The following UBE2E3 variants were observed in gnomAD, a reference collection of about 807,000 sequenced individuals.
UBE2E3 encodes ubiquitin-conjugating enzyme E2 E3.
UBE2E3 carries 5 observed loss-of-function variants against 23.6 expected under a neutral mutation model. That is an observed-to-expected ratio of 0.21 (90% CI 0.11 to 0.44). The LOEUF (loss-of-function observed/expected upper bound fraction) is 0.44. Among genes scored for constraint, UBE2E3 ranks in the 20% least tolerant of loss-of-function variants. The pLI is 0.99. For missense variants in UBE2E3, 81 were observed against 249.8 expected (o/e 0.32, Z 4.55); for synonymous variants, 78 against 87.5 (o/e 0.89, Z 0.60).
At chr2:181,050,447 C>T (rs536066564) in intron 3 of UBE2E3, among the ~76,000 whole-genome samples, 40 of 151,926 alleles carry the variant, frequency 2.6e-4, no homozygotes, top group Non-Finnish European at 5.2e-4. Context: ...GGGAGGGACT[C>T]TTAGAGTAGA....
At chr2:181,000,120 G>A (rs948645971) in intron 3 of UBE2E3, among the ~76,000 whole-genome samples, 1 of 152,138 alleles carries the variant, frequency 6.6e-6, no homozygotes, top group East Asian at 1.9e-4. Flanking sequence ...ATTTCTAGAT[G>A]TATTAGATAC....
chr2:181,035,785 A>G (rs1480949538), intron 3 of UBE2E3, among the ~76,000 whole-genome samples: 1 of 152,162 alleles, frequency 6.6e-6, no homozygotes, highest in Non-Finnish European at 1.5e-5. Flanking sequence ...CCTGATATAT[A>G]GTTGTACTTG....
intron 3 of UBE2E3, among the ~76,000 whole-genome samples, chr2:181,020,889 G>GT (rs1685650015): frequency 6.6e-6 from 1 of 152,184 alleles, no homozygotes; most frequent in African/African-American, 2.4e-5. Flanking sequence ...GATGGATTAA[G>GT]TTTTATATTA....
chr2:181,000,266 T>C (rs537898430), intron 3 of UBE2E3, among the ~76,000 whole-genome samples: 4 of 152,292 alleles, frequency 2.6e-5, no homozygotes, highest in African/African-American at 7.2e-5. Context: ...TTAAGTGACA[T>C]TGGGATACAT....
chr2:180,991,658 G>T (rs1684662667), intron 3 of UBE2E3, among the ~76,000 whole-genome samples: 1 of 152,052 alleles, frequency 6.6e-6, no homozygotes, highest in Admixed American at 6.5e-5. Flanking sequence ...TTGTTTGTTT[G>T]TTTTTTTAGC....
intron 2 of UBE2E3, among the ~76,000 whole-genome samples, chr2:180,982,842 C>T (rs773509013): frequency 1.3e-5 from 2 of 152,150 alleles, no homozygotes; most frequent in Non-Finnish European, 1.5e-5. Context: ...TGAAAAGTAG[C>T]CCTTTACAAT....
At chr2:181,059,164 A>G (rs1001177042) in intron 4 of UBE2E3, among the ~76,000 whole-genome samples, 8 of 151,794 alleles carry the variant, frequency 5.3e-5, no homozygotes, top group African/African-American at 1.4e-4. Context: ...GATATACAGT[A>G]TTAACCATTA....
At chr2:181,033,785 A>G (rs987239010) in intron 3 of UBE2E3, among the ~76,000 whole-genome samples, 3 of 152,226 alleles carry the variant, frequency 2.0e-5, no homozygotes, top group African/African-American at 7.2e-5. Context: ...TACCCATCTG[A>G]CAAAGGGCTA....
chr2:180,991,890 G>C (rs1372374184), intron 3 of UBE2E3, among the ~76,000 whole-genome samples: 2 of 152,158 alleles, frequency 1.3e-5, no homozygotes, highest in African/African-American at 4.8e-5. Context: ...TAAAACTTAA[G>C]AATTATTTCT....
intron 3 of UBE2E3, among the ~76,000 whole-genome samples, chr2:181,023,788 A>T (rs761740523): frequency 3.3e-5 from 5 of 152,120 alleles, no homozygotes; most frequent in Admixed American, 6.5e-5. Context: ...CGATGATAAA[A>T]TATCTACCTG....
At chr2:180,988,424 T>C (rs4588146) in intron 3 of UBE2E3, among the ~76,000 whole-genome samples, 148,303 of 152,272 alleles carry the variant, frequency 0.97, 72,355 homozygotes, top group Middle Eastern at 1. Context: ...AATATTGTAT[T>C]CCTTTTAAAG....
chr2:181,035,087 A>G (rs1432318078), intron 3 of UBE2E3, among the ~76,000 whole-genome samples: 1 of 152,202 alleles, frequency 6.6e-6, no homozygotes, highest in Non-Finnish European at 1.5e-5. Flanking sequence ...CGGATCACTT[A>G]GGTGCTTTAT....
intron 2 of UBE2E3, among the ~76,000 whole-genome samples, chr2:180,983,100 T>C (rs1175743023): frequency 6.6e-6 from 1 of 152,216 alleles, no homozygotes; most frequent in African/African-American, 2.4e-5. Context: ...ATACATAAAA[T>C]GTATAATGTT....
intron 3 of UBE2E3, among the ~76,000 whole-genome samples, chr2:181,049,616 A>G (rs1686767422): frequency 6.6e-6 from 1 of 152,046 alleles, no homozygotes; most frequent in African/African-American, 2.4e-5. Context: ...CACAAGCTTT[A>G]TAGTAATAGT....
At chr2:181,016,054 A>G in intron 3 of UBE2E3, among the ~76,000 whole-genome samples, 1 of 117,906 alleles carries the variant, frequency 8.5e-6, no homozygotes, top group Admixed American at 8.3e-5. Context: ...AATTTTAGAA[A>G]GATAAAATAA....
intron 3 of UBE2E3, among the ~76,000 whole-genome samples, chr2:180,999,429 G>T (rs1684930104): frequency 6.6e-6 from 1 of 152,062 alleles, no homozygotes; most frequent in Non-Finnish European, 1.5e-5. Flanking sequence ...TGAATACGTG[G>T]TTTTATTTCT....
chr2:180,991,029 C>A (rs556496858), intron 3 of UBE2E3, among the ~76,000 whole-genome samples: 1 of 152,130 alleles, frequency 6.6e-6, no homozygotes, highest in Non-Finnish European at 1.5e-5. Flanking sequence ...TGTTTCCACA[C>A]CAAAAATGTA....
At chr2:180,983,917 T>C (rs1176154172) in intron 2 of UBE2E3, 126 bp from the exon 3 acceptor site, 2 of 631,720 alleles carry the variant, frequency 3.2e-6, no homozygotes, top group African/African-American at 3.7e-5. Context: ...GAAGCAGCCA[T>C]GTTAGCATTA....
chr2:181,003,623 T>A (rs62180122), intron 3 of UBE2E3, among the ~76,000 whole-genome samples: 35,342 of 151,910 alleles, frequency 0.23, 4,473 homozygotes, highest in Non-Finnish European at 0.28. Context: ...AACACTGAAT[T>A]TGAATATTAT....
Sources: allele counts gnomAD v4.1 joint callset (sites outside exome capture counted in the v4.1 genomes callset), GRCh38; gene constraint gnomAD v4.1.1; transcripts MANE v1.5; gene names NCBI Gene and HGNC (gene_info 2026-07-23, HGNC 2026-07-21).